The following AKNA variants were observed in gnomAD, a reference collection of about 807,000 sequenced individuals.
The protein encoded by AKNA is AT-hook transcription factor.
A neutral mutation model predicts 138.8 loss-of-function variants in AKNA; 67 were observed. The observed-to-expected ratio is 0.48, with a 90% confidence interval of 0.40 to 0.59. The LOEUF (loss-of-function observed/expected upper bound fraction) is 0.59. Among genes scored for constraint, AKNA ranks in the 20% least tolerant of loss-of-function variants. The pLI is 0.00. For missense variants in AKNA, 1,813 were observed against 1,880.4 expected (o/e 0.96, Z 0.66); for synonymous variants, 737 against 754.4 (o/e 0.98, Z 0.38).
chr9:114,377,461 G>A lies in AKNA; in HGVS notation c.346C>T (p.Arg116Cys), dbSNP rs144197220. The A allele has an allele frequency of 6.9e-5, 112 of 1,613,352 alleles. No individual in the cohort carries two copies. The African/African-American group carries it at 1.3e-3, about 19-fold the overall frequency. Residue 116 changes from arginine to cysteine, a missense_variant, in exon 3 of 22, where the codon CGT becomes TGT. Arg to Cys is a radical substitution (Grantham distance 180). Coordinates refer to ENST00000374088, the MANE Select transcript of AKNA (RefSeq NM_001317950.2). ...EPLAWLPQQG[R>C]QLDMTEEEPD... ...TCCTCTTCAGTCATGTCCAGCTGAC[G>A]GCCCTGCTGGGGGAGCCAGGCAAGA...
At chr9:114,370,152 G>C (rs1000117527) in intron 4 of AKNA, among the ~76,000 whole-genome samples, 3 of 152,238 alleles carry the variant, frequency 2.0e-5, no homozygotes, top group Non-Finnish European at 4.4e-5. Flanking sequence ...TATAGGTCCC[G>C]GCTGTAGCCG....
chr9:114,395,357 C>G (rs1834500138), upstream of AKNA, among the ~76,000 whole-genome samples: 1 of 152,110 alleles, frequency 6.6e-6, no homozygotes, highest in South Asian at 2.1e-4. Context: ...TATCACCCAC[C>G]CTGACTTACC....
chr9:114,330,661 C>A, downstream of AKNA: 1 of 1,601,036 alleles, frequency 6.2e-7, no homozygotes, highest in East Asian at 2.2e-5. Flanking sequence ...TGGCCTTGGC[C>A]TTCCCATGGG....
chr9:114,344,057 C>T (rs796941805), intron 18 of AKNA: 5 of 389,744 alleles, frequency 1.3e-5, no homozygotes, highest in African/African-American at 1.1e-4. Context: ...CTCCAGACTC[C>T]TATTCTGTTT....
Position 114,358,394 on chromosome 9 carries a change from A to G in AKNA, c.2493-227T>C. 1.7e-5 allele frequency: 9 copies of G among 541,350 alleles called. No individual in the cohort carries two copies. The South Asian group carries it at 2.1e-4, about 13-fold the overall frequency. 33.5% of individuals were successfully genotyped at this position (541,350 alleles called of 1,614,324 possible). A position where few individuals can be genotyped will look rare whatever the true frequency, so the allele number is the denominator to read the frequency against. On this transcript the variant is annotated intron_variant, in intron 11 of 21. Coordinates refer to ENST00000374088, the MANE Select transcript of AKNA (RefSeq NM_001317950.2). The stretch of plus-strand genomic sequence containing the variant: ...TAAAATATGGATGCCAACAAAACCC[A>G]CCCAACACCAAAGAGGAAATGTTAA...
rs1830024898 is a variant in AKNA at position 114,336,940 on chromosome 9, C to T, written c.*114G>A. ...GCGGGACCTGTGCTGGAGGGAGACC[C>T]TCCTGGTGAGGAACTATGCGGGCCT... On this transcript the variant is annotated 3_prime_UTR_variant, in exon 22 of 22. Coordinates refer to ENST00000374088, the MANE Select transcript of AKNA (RefSeq NM_001317950.2). 3.7e-6 allele frequency: 5 copies of T among 1,336,214 alleles called. No homozygotes were observed. The highest frequency in any genetic ancestry group is 4.9e-6 in the Non-Finnish European group (5 of 1,016,058). The allele number at this position is 1,336,214 out of a possible 1,614,324, so 82.8% of individuals were successfully genotyped here.
At chr9:114,390,809 C>T (rs1298290088), upstream of AKNA, among the ~76,000 whole-genome samples, 1 of 152,238 alleles carries the variant, frequency 6.6e-6, no homozygotes, top group Non-Finnish European at 1.5e-5. Context: ...CCTCCCCTCA[C>T]CCAGTCCCAC....
At chr9:114,345,761 A>C in intron 18 of AKNA, 102 bp downstream of exon 18, 2 of 1,106,586 alleles carry the variant, frequency 1.8e-6, no homozygotes, top group Non-Finnish European at 2.6e-6. Flanking sequence ...AGAAAATGAT[A>C]TTTGAATGGC....
upstream of AKNA, among the ~76,000 whole-genome samples, chr9:114,390,755 C>A (rs527495666): frequency 6.6e-6 from 1 of 152,352 alleles, no homozygotes; most frequent in South Asian, 2.1e-4. Flanking sequence ...CATGCTCCTG[C>A]CATACAGGCC....
intron 14 of AKNA, among the ~76,000 whole-genome samples, chr9:114,353,723 AC>A (rs1258441567): frequency 1.3e-5 from 2 of 152,320 alleles, no homozygotes; most frequent in African/African-American, 2.4e-5. Flanking sequence ...TAGGCTACAA[AC>A]CTCTACAACA....
Position 114,347,736 on chromosome 9 carries a change from G to A in AKNA, c.3386C>T (p.Ser1129Phe). 1 of 1,530,160 alleles carries A rather than the reference G, an allele frequency of 6.5e-7. No individual in the cohort carries two copies. The allele number at this position is 1,530,160 out of a possible 1,614,324, so 94.8% of individuals were successfully genotyped here. ...RPADSPATWG[S>F]HYGSKSTERL... is the part of the protein sequence containing the mutation. ...TGAGGTCACCCACCTGCCATAATGG[G>A]AGCCCCAGGTGGCTGGGGAGTCTGC... Residue 1129 changes from serine to phenylalanine, a missense_variant, in exon 16 of 22, where the codon TCC becomes TTC. Transcript: ENST00000374088.
At chr9:114,393,971 G>A (rs150921580) in intron 1 of AKNA, among the ~76,000 whole-genome samples, 3,937 of 152,056 alleles carry the variant, frequency 0.026, 67 homozygotes, top group Non-Finnish European at 0.041. Flanking sequence ...TCAGGAGTTC[G>A]AGACCAGCCT....
At chr9:114,331,494 G>GA, downstream of AKNA, 1 of 1,242,572 alleles carries the variant, frequency 8.0e-7, no homozygotes, top group Non-Finnish European at 1.2e-6. Context: ...ACACACCTAG[G>GA]ACTCCTCACC....
In AKNA at chr9:114,376,656, T is replaced by C. The variant is rs1833229619; in HGVS notation, c.1151A>G (p.His384Arg). Residue 384 changes from histidine (H) to arginine (R), a missense_variant, in exon 3 of 22, where the codon CAC becomes CGC. Coordinates refer to ENST00000374088, the MANE Select transcript of AKNA (RefSeq NM_001317950.2). Reference protein sequence around the residue: ...ESYRPPKSRSHNRKPQAPARP... With the variant: ...ESYRPPKSRSRNRKPQAPARP... ...GGCAGGGGCCTGAGGCTTCCTGTTG[T>C]GGCTTCTGGACTTGGGGGGACGGTA... 2 of 1,613,944 alleles carry C rather than the reference T, an allele frequency of 1.2e-6. No individual in the cohort carries two copies. Among genetic ancestry groups the C allele is most frequent in the Non-Finnish European group, 1.7e-6 (2 of 1,179,948 alleles).
At chr9:114,362,895 T>C (rs992304182) in intron 7 of AKNA, among the ~76,000 whole-genome samples, 4 of 152,192 alleles carry the variant, frequency 2.6e-5, no homozygotes, top group Admixed American at 2.6e-4. Flanking sequence ...ACCCTTTACA[T>C]GAGAGACTCT....
intron 17 of AKNA, 59 bp from the exon 18 acceptor site, chr9:114,346,068 G>A (rs2131816577): frequency 6.4e-7 from 1 of 1,558,226 alleles, no homozygotes; most frequent in Non-Finnish European, 8.8e-7. Context: ...CATTTCTCAA[G>A]GAGTGGGTAT....
intron 1 of AKNA, among the ~76,000 whole-genome samples, chr9:114,386,007 T>C (rs1210007438): frequency 1.3e-4 from 20 of 152,166 alleles, no homozygotes; most frequent in Admixed American, 1.0e-3. Context: ...ATCACCCTGC[T>C]AGGGTGGGTT....
intron 15 of AKNA, among the ~76,000 whole-genome samples, chr9:114,348,705 T>C (rs548534918): frequency 2.4e-4 from 37 of 152,202 alleles, no homozygotes; most frequent in Admixed American, 7.9e-4. Flanking sequence ...GGGTCTTGTT[T>C]TGTGGGCATT....
intron 6 of AKNA, among the ~76,000 whole-genome samples, chr9:114,367,113 T>C (rs1421610572): frequency 6.6e-6 from 1 of 152,164 alleles, no homozygotes; most frequent in Non-Finnish European, 1.5e-5. Context: ...TTCATGAAGA[T>C]ACGAAGACCC....
Sources: gnomAD v4.1 joint callset for allele counts (sites outside exome capture counted in the v4.1 genomes callset) on GRCh38, gnomAD v4.1.1 for gene constraint, MANE v1.5 for transcripts, NCBI Gene and HGNC (gene_info 2026-07-23, HGNC 2026-07-21) for gene names.